KCND3: variants seen among roughly 807,000 people sequenced by gnomAD.
KCND3 encodes the protein A-type voltage-gated potassium channel KCND3.
In KCND3, 9 loss-of-function variants were observed where a neutral mutation model predicts 51.1. The ratio of observed to expected loss-of-function variants is 0.18; its 90% CI spans 0.11 to 0.31. KCND3 has a LOEUF of 0.31. Among genes scored for constraint, KCND3 ranks in the 10% least tolerant of loss-of-function variants. The pLI is 1.00. For synonymous variants in KCND3, 349 were observed against 368.0 expected (o/e 0.95, Z 0.59); for missense variants, 526 against 903.8 (o/e 0.58, Z 5.36).
At chr1:111,808,238 A>C (rs539932834) in intron 2 of KCND3, among the ~76,000 whole-genome samples, 1 of 152,378 alleles carries the variant, frequency 6.6e-6, no homozygotes, top group South Asian at 2.1e-4. Flanking sequence ...CTTAAAAAAA[A>C]CACTGCTCTT....
intron 2 of KCND3, among the ~76,000 whole-genome samples, chr1:111,822,108 C>A (rs1329605427): frequency 1.3e-5 from 2 of 151,182 alleles, no homozygotes; most frequent in Non-Finnish European, 2.9e-5. Flanking sequence ...GTGTTAAAAA[C>A]CATATTCTTT....
intron 2 of KCND3, among the ~76,000 whole-genome samples, chr1:111,841,640 TGTGAAGA>T (rs1667325119): frequency 6.6e-6 from 1 of 152,234 alleles, no homozygotes; most frequent in Non-Finnish European, 1.5e-5. Flanking sequence ...TTGGGGTTGA[TGTGAAGA>T]GTAAATGAGA....
At chr1:111,815,187 A>C (rs7554046) in intron 2 of KCND3, among the ~76,000 whole-genome samples, 64,173 of 151,334 alleles carry the variant, frequency 0.42, 15,609 homozygotes, top group Middle Eastern at 0.56. Flanking sequence ...CTGAGTCCTG[A>C]CTTCTGTGTG....
At chr1:111,815,067 C>G (rs1666024704) in intron 2 of KCND3, among the ~76,000 whole-genome samples, 1 of 152,332 alleles carries the variant, frequency 6.6e-6, no homozygotes, top group East Asian at 1.9e-4. Context: ...CCGGCTCTCT[C>G]TCTTTGGCAG....
intron 2 of KCND3, among the ~76,000 whole-genome samples, chr1:111,847,979 G>A (rs375725854): frequency 6.6e-6 from 1 of 152,184 alleles, no homozygotes; most frequent in Non-Finnish European, 1.5e-5. Flanking sequence ...CCTCTCCCAC[G>A]GCCTCCCCTC....
rs577567533 is a variant in KCND3, at chr1:111,915,140, C to T, written c.1106+66481G>A. Reference sequence around the variant, plus strand: ...ATACATATGGATAATAAGCCAGCAGCGGAGATAAAGTGAGATCATAAAAAT... The same window carrying T: ...ATACATATGGATAATAAGCCAGCAGTGGAGATAAAGTGAGATCATAAAAAT... On this transcript the variant is annotated intron_variant, in intron 2 of 7. Transcript: ENST00000302127. Among the ~76,000 whole-genome samples the T allele has an allele frequency of 6.9e-4, 104 of 151,824 alleles. 3 individuals carry two copies. In the South Asian group the frequency reaches 0.018, roughly 26 times the overall value.
chr1:111,826,408 T>A (rs1666572929), intron 2 of KCND3, among the ~76,000 whole-genome samples: 1 of 152,158 alleles, frequency 6.6e-6, no homozygotes, highest in Non-Finnish European at 1.5e-5. Context: ...TCTTTTAGAG[T>A]GTGCAGCCAT....
rs199641587 is a variant in KCND3, at chr1:111,981,961, G to A, written c.766C>T (p.Arg256Cys). ...FAAPSRYRFI[R>C]SVMSIIDVVA... ...ACGTCGATGATGCTCATGACGCTGC[G>A]GATGAAGCGGTAGCGGCTGGGAGCC... The change falls in exon 2 of 8, where the codon CGC (arginine) becomes TGC (cysteine). Residue 256 changes from arginine to cysteine, a missense_variant. This residue lies in a region of KCND3 where 51 missense variants were observed against 84.7 expected (regional missense o/e 0.60). Coordinates refer to ENST00000302127, the MANE Select transcript of KCND3 (RefSeq NM_001378969.1). This position sits in a 1 kb window ranked among gnomAD's most constrained non-coding sequence, Gnocchi z 6.2. The A allele has an allele frequency of 1.2e-6, 2 of 1,614,052 alleles. No homozygotes were observed. Among genetic ancestry groups the A allele is most frequent in the Non-Finnish European group, 8.5e-7 (1 of 1,180,016 alleles).
chr1:111,956,057 G>C (rs961699669), intron 2 of KCND3, among the ~76,000 whole-genome samples: 9 of 152,038 alleles, frequency 5.9e-5, no homozygotes, highest in African/African-American at 2.2e-4. Flanking sequence ...TTAATTTACA[G>C]ATGAGGAAAC....
chr1:111,957,646 G>T (rs1312892376), intron 2 of KCND3, among the ~76,000 whole-genome samples: 1 of 152,188 alleles, frequency 6.6e-6, no homozygotes, highest in African/African-American at 2.4e-5. Context: ...AAAGCACTTG[G>T]GCTCCAAAAG....
intron 5 of KCND3, among the ~76,000 whole-genome samples, chr1:111,779,987 G>T (rs1664301316): frequency 6.6e-6 from 1 of 152,202 alleles, no homozygotes; most frequent in South Asian, 2.1e-4. Flanking sequence ...AGGAGTGTGT[G>T]GGAGGCTGGG....
intron 2 of KCND3, among the ~76,000 whole-genome samples, chr1:111,807,882 T>G (rs537180883): frequency 5.3e-4 from 80 of 152,160 alleles, no homozygotes; most frequent in Non-Finnish European, 1.0e-3. Context: ...ATTGGAAGTA[T>G]CAGACACAGA....
At chr1:111,868,703 T>C (rs1017118160) in intron 2 of KCND3, among the ~76,000 whole-genome samples, 2 of 152,226 alleles carry the variant, frequency 1.3e-5, no homozygotes, top group African/African-American at 4.8e-5. Context: ...ATCATTTCTA[T>C]TTTATAATTG....
chr1:111,865,423 G>T (rs1668512336), intron 2 of KCND3, among the ~76,000 whole-genome samples: 1 of 152,188 alleles, frequency 6.6e-6, no homozygotes, highest in East Asian at 1.9e-4. Context: ...TTCCCAAAGA[G>T]GTCAGGGCTA....
chr1:111,859,886 G>A (rs988679719), intron 2 of KCND3, among the ~76,000 whole-genome samples: 1 of 152,220 alleles, frequency 6.6e-6, no homozygotes, highest in African/African-American at 2.4e-5. Context: ...TGAGGGTTTG[G>A]AGACCCTGTC....
chr1:111,958,269 G>A (rs1285851319), intron 2 of KCND3, among the ~76,000 whole-genome samples: 1 of 152,242 alleles, frequency 6.6e-6, no homozygotes, highest in Admixed American at 6.5e-5. Context: ...GGCTGTTCTC[G>A]TCCCCGCTGG....
chr1:111,813,401 A>G (rs1292338892), intron 2 of KCND3, among the ~76,000 whole-genome samples: 2 of 152,222 alleles, frequency 1.3e-5, no homozygotes, highest in Non-Finnish European at 2.9e-5. Context: ...TGAGCACCAG[A>G]GCTGAAGCCA....
At chr1:111,811,103 G>A (rs1450074997) in intron 2 of KCND3, among the ~76,000 whole-genome samples, 1 of 152,184 alleles carries the variant, frequency 6.6e-6, no homozygotes, top group Non-Finnish European at 1.5e-5. Context: ...GATGATCAGG[G>A]GAGAGGGGTC....
chr1:111,964,267 C>A (rs940728501), intron 2 of KCND3, among the ~76,000 whole-genome samples: 8 of 152,174 alleles, frequency 5.3e-5, no homozygotes, highest in African/African-American at 7.2e-5. Context: ...CTGAGGATGG[C>A]CCAGCTGGGA....
Sources: allele counts gnomAD v4.1 joint callset (sites outside exome capture counted in the v4.1 genomes callset), GRCh38; gene constraint gnomAD v4.1.1; regional missense constraint gnomAD v4.1.1; non-coding constraint Gnocchi (gnomAD v3.1); transcripts MANE v1.5; gene names NCBI Gene and HGNC (gene_info 2026-07-23, HGNC 2026-07-21).